CDH4: variants seen among roughly 807,000 people sequenced by gnomAD.
CDH4 encodes the protein cadherin 4.
In CDH4, 33 loss-of-function variants were observed where a neutral mutation model predicts 86.0. The ratio of observed to expected loss-of-function variants is 0.38; its 90% CI spans 0.29 to 0.51. CDH4 has a LOEUF of 0.51. Among genes scored for constraint, CDH4 ranks in the 20% least tolerant of loss-of-function variants. CDH4 has a pLI of 0.86. For synonymous variants in CDH4, 555 were observed against 549.4 expected, an observed-to-expected ratio of 1.01 and a Z score of -0.14; for missense variants, 1,114 against 1,307.4, an observed-to-expected ratio of 0.85 and a Z score of 2.28.
At chr20:61,388,794 A>G (rs1305795053) in intron 2 of CDH4, among the ~76,000 whole-genome samples, 1 of 152,234 alleles carries the variant, frequency 6.6e-6, no homozygotes, top group Non-Finnish European at 1.5e-5. Context: ...TTTTCATTTA[A>G]CAACATCTCT....
intron 4 of CDH4, among the ~76,000 whole-genome samples, chr20:61,774,264 T>C (rs1303034158): frequency 6.6e-6 from 1 of 152,196 alleles, no homozygotes; most frequent in East Asian, 1.9e-4. Context: ...GAGATTTTCC[T>C]GTGAAATGCA....
At chr20:61,515,228 T>TC (rs1419528253) in intron 2 of CDH4, among the ~76,000 whole-genome samples, 2 of 152,226 alleles carry the variant, frequency 1.3e-5, no homozygotes, top group African/African-American at 4.8e-5. Context: ...CCATTTGAGC[T>TC]CCCGGTTCTG....
At chr20:61,570,082 C>G (rs940601179) in intron 2 of CDH4, 1 of 152,508 alleles carries the variant, frequency 6.6e-6, no homozygotes, top group African/African-American at 2.4e-5. Flanking sequence ...ATGGGGAGTT[C>G]CAGGGAAAAT....
intron 6 of CDH4, among the ~76,000 whole-genome samples, chr20:61,856,490 C>A (rs1318915564): frequency 6.6e-6 from 1 of 150,640 alleles, no homozygotes; most frequent in Non-Finnish European, 1.5e-5. Context: ...CCCAGCCCCC[C>A]AGGATCCACG....
chr20:61,783,747 G>A lies in CDH4; in HGVS notation c.576+10565G>A, dbSNP rs72658793. Among the ~76,000 whole-genome samples the A allele has an allele frequency of 8.8e-4, 94 of 107,304 alleles. 4 individuals carry two copies. The highest frequency in any genetic ancestry group is 2.7e-3 in the African/African-American group (77 of 28,084). 70.4% of individuals were successfully genotyped at this position (107,304 alleles called of 152,430 possible). ...GGGCCCTCAGATGTCCTGTGCCCCCGGGAGAAATGTAAGCCTAGTTCCTCG... is the reference window on the plus strand; with the variant it reads ...GGGCCCTCAGATGTCCTGTGCCCCCAGGAGAAATGTAAGCCTAGTTCCTCG... On this transcript the variant is annotated intron_variant, in intron 4 of 15. Transcript: ENST00000614565.
chr20:61,837,134 C>CGTGAGTTGTG (rs1281239347), intron 4 of CDH4, among the ~76,000 whole-genome samples: 1 of 152,172 alleles, frequency 6.6e-6, no homozygotes, highest in African/African-American at 2.4e-5. Context: ...TGAAGGCTGT[C>CGTGAGTTGTG]GTGAGTTGTG....
chr20:61,700,614 G>A (rs1158772447), intron 2 of CDH4, among the ~76,000 whole-genome samples: 1 of 152,154 alleles, frequency 6.6e-6, no homozygotes, highest in Admixed American at 6.5e-5. Context: ...ACCCCGTACG[G>A]CCTCACTGTG....
chr20:61,928,384 G>A lies in CDH4; in HGVS notation c.1966G>A (p.Ala656Thr), dbSNP rs778824988. 6.2e-7 allele frequency: 1 copy of A among 1,611,906 alleles called. No individual in the cohort carries two copies. Among genetic ancestry groups the A allele is most frequent in the South Asian group, 1.1e-5 (1 of 91,078 alleles). ...PYVFELPFVP[A>T]AVRKNWTITR... ...CGTCTTCGAGCTGCCCTTTGTCCCG[G>A]CGGCCGTGCGGAAGAACTGGACCAT... Residue 656 changes from alanine (A) to threonine (T), a missense_variant, in exon 12 of 16, where the codon GCG (alanine) becomes ACG (threonine). By Grantham distance (58) the Ala-to-Thr change is moderately conservative (BLOSUM62 0). This residue lies in a region of CDH4 where 705 missense variants were observed against 914.1 expected (regional missense o/e 0.77). Transcript: ENST00000614565.
At chr20:61,317,578 G>A (rs1278793114) in intron 2 of CDH4, among the ~76,000 whole-genome samples, 1 of 152,144 alleles carries the variant, frequency 6.6e-6, no homozygotes, top group Non-Finnish European at 1.5e-5. Context: ...AGGCATGGGG[G>A]GCTGGATGAG....
chr20:61,851,626 G>A (rs77914200), intron 5 of CDH4, among the ~76,000 whole-genome samples: 6,269 of 152,280 alleles, frequency 0.041, 439 homozygotes, highest in African/African-American at 0.14. Context: ...GATGTGAGCT[G>A]AGGACACCTC....
chr20:61,867,561 A>AAGAGAG lies in CDH4; in HGVS notation c.878-6158_878-6153dup, dbSNP rs33910207. Among the ~76,000 whole-genome samples the AAGAGAG allele has an allele frequency of 3.5e-5, 5 of 142,138 alleles. No individual in the cohort carries two copies. The South Asian group carries it at 9.2e-4, about 26-fold the overall frequency. The allele number at this position is 142,138 out of a possible 152,430, so 93.2% of individuals were successfully genotyped here. On this transcript the variant is annotated intron_variant, in intron 6 of 15. Coordinates refer to ENST00000614565, the MANE Select transcript of CDH4 (RefSeq NM_001794.5). The stretch of plus-strand genomic sequence containing the variant: ...CAAGACTCCATCCAAAAAAAAAAAA[A>AAGAGAG]AGAGAGAGAGAGAGCTTATGATAAA...
intron 5 of CDH4, among the ~76,000 whole-genome samples, chr20:61,848,655 A>G (rs1161551823): frequency 6.6e-6 from 1 of 152,102 alleles, no homozygotes; most frequent in African/African-American, 2.4e-5. Context: ...CCTCCCAGGT[A>G]GCTGGAACTA....
At chr20:61,616,740 G>A (rs1327895972) in intron 2 of CDH4, among the ~76,000 whole-genome samples, 1 of 152,186 alleles carries the variant, frequency 6.6e-6, no homozygotes, top group Non-Finnish European at 1.5e-5. Flanking sequence ...AATGGTCATA[G>A]CCAGGTGGGT....
intron 2 of CDH4, among the ~76,000 whole-genome samples, chr20:61,382,133 T>A (rs8121037): frequency 6.6e-6 from 1 of 151,996 alleles, no homozygotes; most frequent in Non-Finnish European, 1.5e-5. Context: ...GCAGAAATGT[T>A]TAATGGAAAG....
At chr20:61,572,999 CGGATGGATGGATTGAT>C (rs1386534580) in intron 2 of CDH4, among the ~76,000 whole-genome samples, 63 of 139,398 alleles carry the variant, frequency 4.5e-4, no homozygotes, top group African/African-American at 1.7e-3. Context: ...GACGGACGGA[CGGATGGATGGATTGAT>C]GGATGGATGG....
chr20:61,432,386 T>C (rs745865344), intron 2 of CDH4, among the ~76,000 whole-genome samples: 5 of 152,204 alleles, frequency 3.3e-5, no homozygotes, highest in Non-Finnish European at 7.3e-5. Flanking sequence ...CCCTGGATAC[T>C]GACAATATTA....
At chr20:61,671,656 G>C (rs1277633941) in intron 2 of CDH4, among the ~76,000 whole-genome samples, 1 of 147,542 alleles carries the variant, frequency 6.8e-6, no homozygotes, top group Non-Finnish European at 1.5e-5. Context: ...TGGGTGAATG[G>C]ATGGATAATG....
chr20:61,797,763 G>T (rs1313239911), intron 4 of CDH4, among the ~76,000 whole-genome samples: 1 of 152,322 alleles, frequency 6.6e-6, no homozygotes, highest in African/African-American at 2.4e-5. Context: ...CTCCAGCCTG[G>T]CTGACAAAGT....
At chr20:61,471,268 T>C (rs2085500594) in intron 2 of CDH4, among the ~76,000 whole-genome samples, 1 of 152,088 alleles carries the variant, frequency 6.6e-6, no homozygotes, top group African/African-American at 2.4e-5. Flanking sequence ...TGCATATGTC[T>C]AGGAATTTAT....
Sources: allele counts gnomAD v4.1 joint callset (sites outside exome capture counted in the v4.1 genomes callset), GRCh38; gene constraint gnomAD v4.1.1; regional missense constraint gnomAD v4.1.1; transcripts MANE v1.5; gene names NCBI Gene and HGNC (gene_info 2026-07-23, HGNC 2026-07-21).